TMEM63B: variants seen among roughly 807,000 people sequenced by gnomAD.
TMEM63B encodes the protein transmembrane protein 63B.
TMEM63B carries 23 observed loss-of-function variants against 102.6 expected under a neutral mutation model. The observed-to-expected ratio is 0.22, with a 90% CI of 0.16 to 0.32. The LOEUF (loss-of-function observed/expected upper bound fraction) is 0.32, where lower values mean the gene tolerates loss of function less well. Among genes scored for constraint, TMEM63B ranks in the 10% least tolerant of loss-of-function variants. The pLI is 1.00. For missense variants in TMEM63B, 628 were observed against 1,095.9 expected (o/e 0.57, Z 6.03); for synonymous variants, 444 against 437.0 (o/e 1.02, Z -0.20).
rs373965926 is a variant in TMEM63B, at chr6:44,148,956, A to G, written c.1413+11A>G. Reference sequence around the variant, plus strand: ...GTGGAGTACCTCAACGTGAGGCCTCATGCCCCTGTCACTTTCCACGCTGGG... The same window carrying G: ...GTGGAGTACCTCAACGTGAGGCCTCGTGCCCCTGTCACTTTCCACGCTGGG... On this transcript the variant is annotated intron_variant, in intron 15 of 23. Transcript: ENST00000323267. This position sits in a 1 kb window ranked among gnomAD's most constrained non-coding sequence, Gnocchi z 5.1. 1.9e-6 allele frequency: 3 copies of G among 1,614,060 alleles called. No individual in the cohort carries two copies. Among genetic ancestry groups the G allele is most frequent in the Non-Finnish European group, 2.5e-6 (3 of 1,180,008 alleles).
At position 44,140,306 on chromosome 6, in the gene TMEM63B, C is replaced by T. The variant is rs1017708815; in HGVS notation, c.657C>T (p.Thr219=). The change falls in exon 9 of 24, where the codon ACC becomes ACT. Residue 219 remains threonine, a synonymous_variant. Coordinates refer to ENST00000323267, the MANE Select transcript of TMEM63B (RefSeq NM_018426.3). The part of the protein sequence containing the change: ...TSFAFLYLLL[T]VYSMRRHTSK... ...TCGCCTTCCTGTATCTGCTGCTCACCGTCTACAGCATGCGTAGACACACCT... is the reference window on the plus strand; with the variant it reads ...TCGCCTTCCTGTATCTGCTGCTCACTGTCTACAGCATGCGTAGACACACCT... 8 of 1,614,046 alleles carry T rather than the reference C, an allele frequency of 5.0e-6. No individual in the cohort carries two copies. The highest frequency in any genetic ancestry group is 3.3e-5 in the South Asian group (3 of 91,086).
Position 44,154,881 on chromosome 6 carries a change from T to C in TMEM63B, c.2497T>C (p.Ter833GlnextTer24). 9 of 1,546,728 alleles carry C rather than the reference T, an allele frequency of 5.8e-6. No individual in the cohort carries two copies. The highest frequency in any genetic ancestry group is 7.8e-6 in the Non-Finnish European group (9 of 1,147,878). The change falls in exon 24 of 24, where the codon TAA becomes CAA. Residue 833 changes from the stop codon to glutamine (Q), a stop_lost. Coordinates refer to ENST00000323267, the MANE Select transcript of TMEM63B (RefSeq NM_018426.3). ...DSLIENEIHQ[*>Q] ...CCTCATAGAGAATGAGATTCACCAGTAAGGGGAGGGAGGGGCCCTGGAGGC... is the reference window on the plus strand; with the variant it reads ...CCTCATAGAGAATGAGATTCACCAGCAAGGGGAGGGAGGGGCCCTGGAGGC...
chr6:44,134,247 G>A (rs555512435), intron 1 of TMEM63B, among the ~76,000 whole-genome samples: 4 of 152,184 alleles, frequency 2.6e-5, no homozygotes, highest in African/African-American at 7.2e-5. Flanking sequence ...GGGTGGCGGC[G>A]GCAGGGGGGA....
At chr6:44,151,794 C>A in intron 18 of TMEM63B, 52 bp from the exon 19 acceptor site, 1 of 1,526,504 alleles carries the variant, frequency 6.6e-7, no homozygotes. Flanking sequence ...AGTGGGCGGG[C>A]GGCCACCGGG....
In TMEM63B at chr6:44,149,012, C is replaced by G. The variant is rs532289049; in HGVS notation, c.1413+67C>G. 1.8e-5 allele frequency: 29 copies of G among 1,610,956 alleles called. No individual in the cohort carries two copies. In the African/African-American group the frequency reaches 3.6e-4, roughly 20 times the overall value. On this transcript the variant is annotated intron_variant, in intron 15 of 23. Coordinates refer to ENST00000323267, the MANE Select transcript of TMEM63B (RefSeq NM_018426.3). ...ACACACAGATACCAGGCCCTGATCC[C>G]TCTTCCACTTGCCCAGCCCAGCCCG...
In TMEM63B at chr6:44,152,571, C is replaced by A. The variant is rs1209977878; in HGVS notation, c.1837-22C>A. ...TCAGTCCCTGCCTCCCTGAGCCATC[C>A]TCCTGCCCGTCTCCCCCCCAGCATC... On this transcript the variant is annotated intron_variant, in intron 19 of 23. Transcript: ENST00000323267. The surrounding 1 kb of genome is among the most constrained non-coding windows in gnomAD (Gnocchi z 6.4). 9 of 1,597,042 alleles carry A rather than the reference C, an allele frequency of 5.6e-6. No homozygotes were observed. Among genetic ancestry groups the A allele is most frequent in the African/African-American group, 1.3e-5 (1 of 74,684 alleles).
At chr6:44,142,338 CGTCTCTACTGGTGAAACCTT>C (rs1404698059) in intron 10 of TMEM63B, among the ~76,000 whole-genome samples, 1 of 150,594 alleles carries the variant, frequency 6.6e-6, no homozygotes, top group African/African-American at 2.4e-5. Context: ...GGTGAAACCC[CGTCTCTACTGGTGAAACCTT>C]GTCTCTACTG....
intron 1 of TMEM63B, chr6:44,134,358 TG>T: frequency 1.8e-6 from 1 of 541,776 alleles, no homozygotes; most frequent in South Asian, 2.8e-5. Flanking sequence ...AGACCCAGGG[TG>T]GGGTCATAGC....
chr6:44,154,203 T>G lies in TMEM63B; in HGVS notation c.2226+15T>G. 6.2e-7 allele frequency: 1 copy of G among 1,612,636 alleles called. No homozygotes were observed. Among genetic ancestry groups the G allele is most frequent in the Non-Finnish European group, 8.5e-7 (1 of 1,178,728 alleles). ...ACAACTACAAGGTGTGGGGCAAGGG[T>G]GGCAGGCGGATGGCTGCGGGCAGGA... is the stretch of plus-strand genomic sequence containing the variant. On this transcript the variant is annotated intron_variant, in intron 22 of 23. Transcript: ENST00000323267.
chr6:44,148,822 G>T lies in TMEM63B; in HGVS notation c.1290G>T (p.Trp430Cys). 1 of 1,614,150 alleles carries T rather than the reference G, an allele frequency of 6.2e-7. No homozygotes were observed. The highest frequency in any genetic ancestry group is 8.5e-7 in the Non-Finnish European group (1 of 1,180,028). The change falls in exon 15 of 24, where the codon TGG (tryptophan) becomes TGT (cysteine). Residue 430 changes from tryptophan (W) to cysteine (C), a missense_variant. Trp to Cys is a radical substitution (Grantham distance 215). Transcript: ENST00000323267. This position sits in a 1 kb window ranked among gnomAD's most constrained non-coding sequence, Gnocchi z 5.1. The stretch of plus-strand genomic sequence containing the variant: ...ACCTCTCCATCCGAGGCTTCATCTG[G>T]TGGCTGCGCTGCCTGGTCATCAATG... ...WEHLSIRGFIWWLRCLVINVV... is the reference protein window; with the variant it reads ...WEHLSIRGFICWLRCLVINVV...
At position 44,152,562 on chromosome 6, in the gene TMEM63B, T is replaced by A; in HGVS notation, c.1837-31T>A. ...CCCCTCTGGTCAGTCCCTGCCTCCC[T>A]GAGCCATCCTCCTGCCCGTCTCCCC... On this transcript the variant is annotated intron_variant, in intron 19 of 23. Coordinates refer to ENST00000323267, the MANE Select transcript of TMEM63B (RefSeq NM_018426.3). This position sits in a 1 kb window ranked among gnomAD's most constrained non-coding sequence, Gnocchi z 6.4. 1 of 1,479,748 alleles carries A rather than the reference T, an allele frequency of 6.8e-7. No individual in the cohort carries two copies. The highest frequency in any genetic ancestry group is 9.4e-7 in the Non-Finnish European group (1 of 1,065,968). 91.7% of individuals were successfully genotyped at this position (1,479,748 alleles called of 1,614,324 possible). A position where few individuals can be genotyped will look rare whatever the true frequency, so the allele number is the denominator to read the frequency against.
chr6:44,147,050 T>G, intron 11 of TMEM63B, 123 bp downstream of exon 11: 1 of 1,092,312 alleles, frequency 9.2e-7, no homozygotes, highest in African/African-American at 1.6e-5. Flanking sequence ...TTAATTCAAC[T>G]CGTTGGTGTG....
intron 20 of TMEM63B, among the ~76,000 whole-genome samples, 178 bp from the exon 21 acceptor site, chr6:44,153,498 G>A (rs759680802): frequency 2.6e-5 from 4 of 152,170 alleles, no homozygotes; most frequent in African/African-American, 7.2e-5. Context: ...GGGTTGTAGC[G>A]GAGGAAGCTG....
intron 20 of TMEM63B, among the ~76,000 whole-genome samples, chr6:44,153,373 G>A (rs1013730585): frequency 7.9e-5 from 12 of 152,172 alleles, no homozygotes; most frequent in African/African-American, 2.4e-4. Flanking sequence ...TAATTTATAC[G>A]TATCTGTTTA....
At chr6:44,137,894 G>A (rs1403228171) in intron 5 of TMEM63B, among the ~76,000 whole-genome samples, 3 of 151,930 alleles carry the variant, frequency 2.0e-5, no homozygotes, top group Non-Finnish European at 4.4e-5. Flanking sequence ...GAGACGGGGT[G>A]TCACCATGTT....
rs1178840090 is a variant in TMEM63B, at chr6:44,140,244, T to G, written c.603-8T>G. ...GTGGCTCCCATGTATCCTCTCTGCT[T>G]CTCCCAGGAACAACCTGCTATGGCT... is the stretch of plus-strand genomic sequence containing the variant. On this transcript the variant is annotated splice_polypyrimidine_tract_variant and splice_region_variant and intron_variant, in intron 8 of 23. Transcript: ENST00000323267. 1.2e-6 allele frequency: 2 copies of G among 1,612,644 alleles called. No homozygotes were observed. Among genetic ancestry groups the G allele is most frequent in the African/African-American group, 2.7e-5 (2 of 74,958 alleles).
rs766419672 is a variant in TMEM63B at position 44,150,337 on chromosome 6, C to T, written c.1607+27C>T. ...TGAGTTGAGAAGGATGGGGCAGGAGCCAGGGTAGGGGGACAGCAGGATAGG... is the reference window on the plus strand; with the variant it reads ...TGAGTTGAGAAGGATGGGGCAGGAGTCAGGGTAGGGGGACAGCAGGATAGG... On this transcript the variant is annotated intron_variant, in intron 17 of 23. Coordinates refer to ENST00000323267, the MANE Select transcript of TMEM63B (RefSeq NM_018426.3). The surrounding 1 kb of genome is among the most constrained non-coding windows in gnomAD (Gnocchi z 4.7). The T allele has an allele frequency of 6.2e-7, 1 of 1,603,148 alleles. No individual in the cohort carries two copies. The highest frequency in any genetic ancestry group is 8.5e-7 in the Non-Finnish European group (1 of 1,170,222).
upstream of TMEM63B, chr6:44,126,941 T>C (rs895024289): frequency 6.6e-6 from 1 of 152,144 alleles, no homozygotes; most frequent in African/African-American, 2.4e-5. Context: ...CTAACTCATC[T>C]CCAGACCTAA....
Position 44,146,828 on chromosome 6 carries a change from T to TA in TMEM63B, c.783-18dup, listed in dbSNP as rs761223630. 10 of 1,613,354 alleles carry TA rather than the reference T, an allele frequency of 6.2e-6. No individual in the cohort carries two copies. The highest frequency in any genetic ancestry group is 1.3e-5 in the African/African-American group (1 of 74,864). ...TGGGTGGGGTCCCTGCACAAGATGA[T>TA]ACATGAACTGTGTTTCAGGGAAGCC... On this transcript the variant is annotated intron_variant, in intron 10 of 23. Transcript: ENST00000323267.
Sources: gnomAD v4.1 joint callset for allele counts (sites outside exome capture counted in the v4.1 genomes callset) on GRCh38, gnomAD v4.1.1 for gene constraint, Gnocchi (gnomAD v3.1) non-coding constraint, MANE v1.5 for transcripts, NCBI Gene and HGNC (gene_info 2026-07-23, HGNC 2026-07-21) for gene names.